LRP4: variants seen among roughly 807,000 people sequenced by gnomAD.
LRP4 encodes low-density lipoprotein receptor-related protein 4.
A neutral mutation model predicts 220.3 loss-of-function variants in LRP4; 95 were observed. The observed-to-expected ratio is 0.43, with a 90% CI of 0.37 to 0.51. LRP4 has a LOEUF of 0.51. LRP4 is among the 20% of genes least tolerant of loss of function. The pLI is 0.00. For missense variants in LRP4, 1,925 were observed against 2,567.0 expected (o/e 0.75, Z 5.40); for synonymous variants, 903 against 954.6 (o/e 0.95, Z 1.00).
rs1941983304 is a variant in LRP4 at position 46,918,252 on chromosome 11, C to T, written c.52+76G>A. On this transcript the variant is annotated intron_variant, in intron 1 of 37. Transcript: ENST00000378623. The surrounding 1 kb of genome is among the most constrained non-coding windows in gnomAD (Gnocchi z 6.0). ...GCGAGGGGTCTCAGGCCCCGGCCCG[C>T]GCCGTCCAGGTCCCGGGAGGCGAGT... 3.5e-6 allele frequency: 5 copies of T among 1,441,562 alleles called. No individual in the cohort carries two copies. Among genetic ancestry groups the T allele is most frequent in the Non-Finnish European group, 4.6e-6 (5 of 1,075,804 alleles). The allele number at this position is 1,441,562 out of a possible 1,614,324, so 89.3% of individuals were successfully genotyped here. A position where few individuals can be genotyped will look rare whatever the true frequency, so the allele number is the denominator to read the frequency against.
chr11:46,864,661 A>G lies in LRP4; in HGVS notation c.5156-126T>C, dbSNP rs1940649033. On this transcript the variant is annotated intron_variant, in intron 35 of 37. Transcript: ENST00000378623. The stretch of plus-strand genomic sequence containing the variant: ...GACCCCATACCATCTGAGGATGGCT[A>G]AGGGCCTCCTTTTCAGATAGGTAAA... The G allele has an allele frequency of 8.3e-6, 6 of 719,198 alleles. No homozygotes were observed. In the East Asian group the frequency reaches 1.6e-4, roughly 19 times the overall value. The allele number at this position is 719,198 out of a possible 1,614,324, so 44.6% of individuals were successfully genotyped here.
In LRP4 at chr11:46,889,524, C is replaced by A. The variant is rs749973981; in HGVS notation, c.2102G>T (p.Arg701Leu). 1.2e-6 allele frequency: 2 copies of A among 1,613,766 alleles called. No individual in the cohort carries two copies. The highest frequency in any genetic ancestry group is 1.1e-5 in the South Asian group (1 of 91,080). ...GCAGCCTCCGTTGTTGTCCCCACAG[C>A]GGTTTTTCCCTGCTCAAAGAGCCCA... is the stretch of plus-strand genomic sequence containing the variant. ...HPQRQPAGKN[R>L]CGDNNGGCTH... is the part of the protein sequence containing the mutation. The change falls in exon 16 of 38, where the codon CGC (arginine) becomes CTC (leucine). Residue 701 changes from arginine (R) to leucine (L), a missense_variant. Physicochemically the swap from Arg to Leu is moderately radical, Grantham distance 102 (BLOSUM62 -2). This residue lies in a region of LRP4 where 1,244 missense variants were observed against 1,624.9 expected (regional missense o/e 0.77). Transcript: ENST00000378623.
At chr11:46,895,744 A>C in intron 10 of LRP4, 140 bp downstream of exon 10, 4 of 1,222,688 alleles carry the variant, frequency 3.3e-6, no homozygotes, top group Non-Finnish European at 4.7e-6. Flanking sequence ...AATGGGAAGG[A>C]TGATCCCCAC....
At chr11:46,900,157 C>G (rs1474328365) in intron 3 of LRP4, 105 bp downstream of exon 3, 5 of 1,024,860 alleles carry the variant, frequency 4.9e-6, no homozygotes, top group Non-Finnish European at 7.7e-6. Context: ...GGACAAAGTG[C>G]TGAAAACACA....
intron 13 of LRP4, among the ~76,000 whole-genome samples, chr11:46,892,518 G>C (rs1941443391): frequency 6.6e-6 from 1 of 151,530 alleles, no homozygotes; most frequent in Non-Finnish European, 1.5e-5. Flanking sequence ...TACAGAGCCA[G>C]GACCTAGACT....
intron 31 of LRP4, among the ~76,000 whole-genome samples, chr11:46,870,203 A>T (rs1339770674): frequency 2.0e-5 from 3 of 151,466 alleles, no homozygotes; most frequent in Admixed American, 2.0e-4. Context: ...TAGGAAGCGG[A>T]GGTTGCAGTG....
chr11:46,897,139 T>C, intron 7 of LRP4, 145 bp from the exon 8 acceptor site: 1 of 1,085,738 alleles, frequency 9.2e-7, no homozygotes, highest in Non-Finnish European at 1.4e-6. Flanking sequence ...TTTGTGTGAA[T>C]CAGAAAAAAG....
intron 37 of LRP4, among the ~76,000 whole-genome samples, chr11:46,860,010 A>G (rs1940498953): frequency 6.6e-6 from 1 of 152,004 alleles, no homozygotes; most frequent in African/African-American, 2.4e-5. Context: ...CCAGGCGGGC[A>G]GATCACTTGA....
chr11:46,892,114 G>A (rs1477862227), intron 13 of LRP4, among the ~76,000 whole-genome samples: 1 of 151,888 alleles, frequency 6.6e-6, no homozygotes, highest in African/African-American at 2.4e-5. Context: ...AAACATTTTT[G>A]TAGAGATGAG....
rs1310925726 is a variant in LRP4, at chr11:46,890,664, G to A, written c.1698-170C>T. Among the ~76,000 whole-genome samples the A allele has an allele frequency of 6.6e-6, 1 of 151,776 alleles. No individual in the cohort carries two copies. Among genetic ancestry groups the A allele is most frequent in the African/African-American group, 2.4e-5 (1 of 41,286 alleles). Reference sequence around the variant, plus strand: ...TCTCATTTTGTCACCCAGGCTGGAGGGCAGGTGAGATTACAGCTCACTGCG... The same window carrying A: ...TCTCATTTTGTCACCCAGGCTGGAGAGCAGGTGAGATTACAGCTCACTGCG... On this transcript the variant is annotated intron_variant, in intron 13 of 37. Coordinates refer to ENST00000378623, the MANE Select transcript of LRP4 (RefSeq NM_002334.4). This position sits in a 1 kb window ranked among gnomAD's most constrained non-coding sequence, Gnocchi z 5.3.
intron 20 of LRP4, 24 bp from the exon 21 acceptor site, chr11:46,879,339 C>T (rs750814088): frequency 1.1e-5 from 18 of 1,613,024 alleles, no homozygotes; most frequent in Non-Finnish European, 1.5e-5. Context: ...AACACTGTGT[C>T]ATCTTCAACA....
chr11:46,888,924 G>A (rs1941359894), intron 16 of LRP4, among the ~76,000 whole-genome samples: 1 of 152,154 alleles, frequency 6.6e-6, no homozygotes, highest in Non-Finnish European at 1.5e-5. Context: ...GCAGTTCAGG[G>A]ACAGACCAGG....
At chr11:46,883,139 CCAA>C (rs1852822135) in intron 19 of LRP4, among the ~76,000 whole-genome samples, 1 of 151,870 alleles carries the variant, frequency 6.6e-6, no homozygotes, top group Non-Finnish European at 1.5e-5. Context: ...TGCAAGTAAA[CCAA>C]CAATAAAAAA....
chr11:46,881,885 G>C lies in LRP4; in HGVS notation c.2631C>G (p.Asp877Glu). The change falls in exon 20 of 38, where the codon GAC becomes GAG. Residue 877 changes from aspartate to glutamate, a missense_variant. Asp to Glu is a conservative substitution (Grantham distance 45, BLOSUM62 2). Transcript: ENST00000378623. ...GTTCAATCTTGGGGCTCGCACCCCA[G>C]TCAGTCCAATACATGTACCTGGGCA... ...EPMGGYMYWTDWGASPKIERA... is the reference protein window; with the variant it reads ...EPMGGYMYWTEWGASPKIERA... 6.2e-7 allele frequency: 1 copy of C among 1,614,220 alleles called. No homozygotes were observed. The highest frequency in any genetic ancestry group is 8.5e-7 in the Non-Finnish European group (1 of 1,180,034).
At chr11:46,872,380 G>T (rs1592519631) in intron 30 of LRP4, among the ~76,000 whole-genome samples, 1 of 152,146 alleles carries the variant, frequency 6.6e-6, no homozygotes, top group Admixed American at 6.5e-5. Flanking sequence ...GGATCAGAAG[G>T]GGGCACAGAC....
At chr11:46,864,393 G>C in intron 36 of LRP4, 55 bp downstream of exon 36, 2 of 1,289,046 alleles carry the variant, frequency 1.6e-6, no homozygotes, top group Non-Finnish European at 2.3e-6. Context: ...GGAGATCCCA[G>C]ACATGCTCAT....
intron 30 of LRP4, 80 bp from the exon 31 acceptor site, chr11:46,871,713 C>G: frequency 4.4e-6 from 4 of 916,546 alleles, no homozygotes; most frequent in South Asian, 4.2e-5. Flanking sequence ...CCTGTTTGTC[C>G]CCTCCTGAGC....
At chr11:46,861,522 A>AATTTTTT (rs1565773314) in intron 37 of LRP4, among the ~76,000 whole-genome samples, 2 of 38,134 alleles carry the variant, frequency 5.2e-5, no homozygotes, top group East Asian at 2.2e-3. Flanking sequence ...TGGAAATGGG[A>AATTTTTT]CTTTTTTTTT....
chr11:46,898,677 G>T lies in LRP4; in HGVS notation c.677C>A (p.Ser226Tyr). The change falls in exon 7 of 38, where the codon TCC becomes TAC. Residue 226 changes from serine (S) to tyrosine (Y), a missense_variant and splice_region_variant. Physicochemically the swap from Ser to Tyr is moderately radical, Grantham distance 144. Coordinates refer to ENST00000378623, the MANE Select transcript of LRP4 (RefSeq NM_002334.4). ...CGDWSDESDC[S>Y]SHQPCRSGEF... The stretch of plus-strand genomic sequence containing the variant: ...CCCAGAGCGGCAGGGCTGGTGGGAG[G>T]CTAGGGAAACACAAGACTTCTGTCT... 6.2e-7 allele frequency: 1 copy of T among 1,613,996 alleles called. No homozygotes were observed. The highest frequency in any genetic ancestry group is 8.5e-7 in the Non-Finnish European group (1 of 1,180,038).
Sources: allele counts gnomAD v4.1 joint callset (sites outside exome capture counted in the v4.1 genomes callset), GRCh38; gene constraint gnomAD v4.1.1; regional missense constraint gnomAD v4.1.1; non-coding constraint Gnocchi (gnomAD v3.1); transcripts MANE v1.5; gene names NCBI Gene and HGNC (gene_info 2026-07-23, HGNC 2026-07-21).